Variants in ZBTB38 observed in about 807,000 individuals in gnomAD.
The protein encoded by ZBTB38 is zinc finger and BTB domain-containing protein 38.
In ZBTB38, 20 loss-of-function variants were observed where a neutral mutation model predicts 76.8. The observed-to-expected ratio is 0.26, with a 90% CI of 0.18 to 0.38. The LOEUF (loss-of-function observed/expected upper bound fraction) is 0.38, where lower values mean the gene tolerates loss of function less well. Among genes scored for constraint, ZBTB38 ranks in the 10% least tolerant of loss-of-function variants. The pLI is 1.00. For synonymous variants in ZBTB38, 504 were observed against 544.2 expected, an observed-to-expected ratio of 0.93 and a Z score of 1.03; for missense variants, 1,082 against 1,482.3, an observed-to-expected ratio of 0.73 and a Z score of 4.43.
intron 5 of ZBTB38, among the ~76,000 whole-genome samples, chr3:141,439,206 G>A (rs572245648): frequency 2.0e-5 from 3 of 152,114 alleles, no homozygotes; most frequent in South Asian, 2.1e-4. Flanking sequence ...CCTTCCTCCT[G>A]TTCATATCTC....
chr3:141,374,044 T>G (rs911522582), intron 2 of ZBTB38, among the ~76,000 whole-genome samples: 1 of 151,680 alleles, frequency 6.6e-6, no homozygotes, highest in Non-Finnish European at 1.5e-5. Context: ...GTATGAGAAT[T>G]GGTTGAACCC....
At chr3:141,336,662 T>G (rs1352253711) in intron 1 of ZBTB38, among the ~76,000 whole-genome samples, 1 of 152,122 alleles carries the variant, frequency 6.6e-6, no homozygotes, top group African/African-American at 2.4e-5. Context: ...ATAGATGAAT[T>G]TACTTGTACA....
At chr3:141,332,740 G>A (rs1942889417) in intron 1 of ZBTB38, among the ~76,000 whole-genome samples, 1 of 152,128 alleles carries the variant, frequency 6.6e-6, no homozygotes, top group Admixed American at 6.5e-5. Flanking sequence ...GAAACCCAGA[G>A]GGCAGCTCTG....
At chr3:141,404,345 G>A (rs114216720) in intron 5 of ZBTB38, among the ~76,000 whole-genome samples, 5 of 152,328 alleles carry the variant, frequency 3.3e-5, no homozygotes, top group Non-Finnish European at 5.9e-5. Flanking sequence ...TGACATTGCT[G>A]AGGCCCGGAG....
intron 5 of ZBTB38, among the ~76,000 whole-genome samples, chr3:141,416,566 G>A (rs1002518820): frequency 6.6e-6 from 1 of 152,294 alleles, no homozygotes; most frequent in East Asian, 1.9e-4. Context: ...ATTCATGTGA[G>A]CTACTGCCAT....
chr3:141,335,070 G>A (rs372888885), intron 1 of ZBTB38, among the ~76,000 whole-genome samples: 19 of 152,244 alleles, frequency 1.2e-4, no homozygotes, highest in East Asian at 9.6e-4. Flanking sequence ...TTCTGCTGCC[G>A]TCACCACTGC....
At chr3:141,405,266 A>G (rs1953963844) in intron 5 of ZBTB38, among the ~76,000 whole-genome samples, 1 of 152,244 alleles carries the variant, frequency 6.6e-6, no homozygotes, top group African/African-American at 2.4e-5. Context: ...AATATGCTAG[A>G]ATGTCAGCTC....
chr3:141,429,994 G>A (rs1196272360), intron 5 of ZBTB38, among the ~76,000 whole-genome samples: 1 of 152,234 alleles, frequency 6.6e-6, no homozygotes, highest in Non-Finnish European at 1.5e-5. Context: ...ATCAGGGGAA[G>A]TCCGCTGAAG....
intron 4 of ZBTB38, among the ~76,000 whole-genome samples, chr3:141,402,620 AG>A (rs1484911539): frequency 6.6e-6 from 1 of 150,916 alleles, no homozygotes. Flanking sequence ...CAAACGCAGC[AG>A]AACCGAGCTG....
chr3:141,411,086 G>A (rs1221846608), intron 5 of ZBTB38, among the ~76,000 whole-genome samples: 2 of 152,104 alleles, frequency 1.3e-5, no homozygotes, highest in Non-Finnish European at 2.9e-5. Context: ...CTGTTCATGT[G>A]TTAGAACAAC....
At chr3:141,371,045 C>CTTTCTTTTTTTTTTTTTTT (rs1944498561) in intron 2 of ZBTB38, among the ~76,000 whole-genome samples, 1 of 72,006 alleles carries the variant, frequency 1.4e-5, no homozygotes, top group African/African-American at 7.8e-5. Context: ...TTCTTTCTTT[C>CTTTCTTTTTTTTTTTTTTT]TTTTTTTTTT....
At chr3:141,404,901 T>C (rs1259082105) in intron 5 of ZBTB38, among the ~76,000 whole-genome samples, 1 of 152,196 alleles carries the variant, frequency 6.6e-6, no homozygotes, top group Non-Finnish European at 1.5e-5. Flanking sequence ...GTGCTTGCCA[T>C]TCACCCCCAC....
chr3:141,443,403 C>T lies in ZBTB38; in HGVS notation c.1015C>T (p.Pro339Ser). ...VPGPPAAEVP[P>S]LVYNCSCCSK... ...CGGGCCGCCAGCCGCAGAGGTTCCA[C>T]CTCTGGTGTACAATTGTAGCTGCTG... is the stretch of plus-strand genomic sequence containing the variant. Residue 339 changes from proline (P) to serine (S), a missense_variant, in exon 6 of 6, where the codon CCT (proline) becomes TCT (serine). Around this residue, in one of 8 missense-constraint regions of ZBTB38, gnomAD observed 324 missense variants for 359.1 expected, o/e 0.90. Transcript: ENST00000321464. This position sits in a 1 kb window ranked among gnomAD's most constrained non-coding sequence, Gnocchi z 5.6. The T allele has an allele frequency of 6.2e-7, 1 of 1,614,248 alleles. No individual in the cohort carries two copies. Among genetic ancestry groups the T allele is most frequent in the South Asian group, 1.1e-5 (1 of 91,090 alleles).
chr3:141,394,230 A>G (rs1271155830), intron 4 of ZBTB38: 1 of 152,024 alleles, frequency 6.6e-6, no homozygotes, highest in Non-Finnish European at 1.5e-5. Flanking sequence ...GTTGGCCAGG[A>G]TGGTCTCAAT....
At chr3:141,379,662 C>T (rs535224656) in intron 2 of ZBTB38, among the ~76,000 whole-genome samples, 6 of 152,294 alleles carry the variant, frequency 3.9e-5, no homozygotes, top group African/African-American at 1.4e-4. Context: ...GTTTCAAAAC[C>T]ATACTGAACA....
At chr3:141,370,635 G>A (rs932449651) in intron 2 of ZBTB38, among the ~76,000 whole-genome samples, 4 of 152,256 alleles carry the variant, frequency 2.6e-5, no homozygotes, top group African/African-American at 9.6e-5. Flanking sequence ...GGCCATGAGG[G>A]CAAGATGCAA....
upstream of ZBTB38, chr3:141,368,328 GGCCT>G (rs1944059550): frequency 6.5e-6 from 1 of 152,796 alleles, no homozygotes; most frequent in African/African-American, 2.4e-5. Flanking sequence ...ATGTTCTCCT[GGCCT>G]GCTGGTCTGT....
intron 5 of ZBTB38, among the ~76,000 whole-genome samples, chr3:141,424,559 A>G (rs1055651826): frequency 6.6e-6 from 1 of 152,052 alleles, no homozygotes; most frequent in Non-Finnish European, 1.5e-5. Context: ...TCCTTTTTCC[A>G]TTTGCTTAGA....
At chr3:141,377,742 A>C (rs149531939) in intron 2 of ZBTB38, among the ~76,000 whole-genome samples, 2 of 152,354 alleles carry the variant, frequency 1.3e-5, no homozygotes, top group East Asian at 3.9e-4. Flanking sequence ...ACACTGGTAC[A>C]TCCACACCTT....
Sources: gnomAD v4.1 joint callset for allele counts (sites outside exome capture counted in the v4.1 genomes callset) on GRCh38, gnomAD v4.1.1 for gene constraint, gnomAD v4.1.1 regional missense constraint, Gnocchi (gnomAD v3.1) non-coding constraint, MANE v1.5 for transcripts, NCBI Gene and HGNC (gene_info 2026-07-23, HGNC 2026-07-21) for gene names.